The following KLHL1 variants were observed in gnomAD, a reference collection of about 807,000 sequenced individuals.
The protein encoded by KLHL1 is kelch like family member 1.
A neutral mutation model predicts 77.7 loss-of-function variants in KLHL1; 47 were observed. That is an observed-to-expected ratio of 0.60 (90% confidence interval 0.48 to 0.77). KLHL1 has a LOEUF of 0.77. Among genes scored for constraint, KLHL1 ranks in the 30% least tolerant of loss-of-function variants. The pLI, the probability that KLHL1 is intolerant of heterozygous loss-of-function variation, is 0.00. For missense variants in KLHL1, 925 were observed against 910.8 expected (o/e 1.02, Z -0.20); for synonymous variants, 360 against 325.2 (o/e 1.11, Z -1.15).
chr13:69,949,148 T>C (rs929824193), intron 3 of KLHL1, among the ~76,000 whole-genome samples: 7 of 151,878 alleles, frequency 4.6e-5, no homozygotes, highest in Non-Finnish European at 8.8e-5. Flanking sequence ...AATGAACAAA[T>C]ATTGTTACAT....
At chr13:69,750,605 T>C (rs1053663715) in intron 7 of KLHL1, among the ~76,000 whole-genome samples, 1 of 151,946 alleles carries the variant, frequency 6.6e-6, no homozygotes, top group Non-Finnish European at 1.5e-5. Flanking sequence ...ACAAGCACTC[T>C]ATATAAATTT....
intron 4 of KLHL1, among the ~76,000 whole-genome samples, chr13:69,890,994 T>A (rs958108320): frequency 6.6e-6 from 1 of 152,094 alleles, no homozygotes; most frequent in Non-Finnish European, 1.5e-5. Context: ...TTTAACGGTG[T>A]TTTCCTGTTT....
intron 7 of KLHL1, among the ~76,000 whole-genome samples, chr13:69,768,851 G>A (rs996161771): frequency 5.3e-5 from 8 of 152,072 alleles, no homozygotes; most frequent in Admixed American, 2.6e-4. Flanking sequence ...TACAGAAATT[G>A]AACAAGTGTG....
intron 5 of KLHL1, among the ~76,000 whole-genome samples, chr13:69,871,201 A>T (rs2138175209): frequency 6.6e-6 from 1 of 152,104 alleles, no homozygotes; most frequent in East Asian, 1.9e-4. Flanking sequence ...ACAATGGCCT[A>T]AGCAGTACCC....
At chr13:69,726,258 C>T (rs1873293049) in intron 8 of KLHL1, among the ~76,000 whole-genome samples, 1 of 152,072 alleles carries the variant, frequency 6.6e-6, no homozygotes, top group South Asian at 2.1e-4. Flanking sequence ...TTCTGTTGCA[C>T]AATAAAAGGA....
chr13:70,046,563 T>C (rs1886500393), intron 1 of KLHL1, among the ~76,000 whole-genome samples: 1 of 152,152 alleles, frequency 6.6e-6, no homozygotes, highest in African/African-American at 2.4e-5. Flanking sequence ...TTTCTGCTCA[T>C]TGCAACCTGC....
chr13:69,889,178 A>G (rs1470555063), intron 4 of KLHL1, among the ~76,000 whole-genome samples: 1 of 152,078 alleles, frequency 6.6e-6, no homozygotes, highest in Non-Finnish European at 1.5e-5. Context: ...GCACTGACAT[A>G]TTGCTGTCAA....
intron 1 of KLHL1, among the ~76,000 whole-genome samples, chr13:70,033,358 C>G (rs1039546157): frequency 5.3e-5 from 8 of 151,950 alleles, no homozygotes; most frequent in Non-Finnish European, 8.8e-5. Context: ...GGCGCGCTCT[C>G]GGCTCACTGT....
chr13:70,024,023 T>C (rs1885869717), intron 1 of KLHL1, among the ~76,000 whole-genome samples: 1 of 151,850 alleles, frequency 6.6e-6, no homozygotes, highest in South Asian at 2.1e-4. Context: ...ATGTTTATCA[T>C]GAGTTTAATT....
intron 4 of KLHL1, among the ~76,000 whole-genome samples, chr13:69,902,000 A>G (rs1213433983): frequency 6.6e-6 from 1 of 152,028 alleles, no homozygotes; most frequent in African/African-American, 2.4e-5. Flanking sequence ...GGGTTTCTCC[A>G]TCTTGGTCAG....
intron 1 of KLHL1, among the ~76,000 whole-genome samples, chr13:69,996,075 C>A (rs145024395): frequency 2.0e-5 from 3 of 151,942 alleles, no homozygotes; most frequent in Non-Finnish European, 2.9e-5. Context: ...GAGGTCAATG[C>A]GGGAGGATCA....
rs987926370 is a variant in KLHL1, at chr13:70,060,241, T to C, written c.497+46962A>G. 9.9e-5 allele frequency among the ~76,000 whole-genome samples: 15 copies of C among 152,144 alleles called. 1 individual carries two copies. The highest frequency in any genetic ancestry group is 9.8e-4 in the Admixed American group (15 of 15,280). ...ATCATCTCTCCCCAGTTAAAATGGT[T>C]TTTATCCAAAATACAGGTAATAACA... is the stretch of plus-strand genomic sequence containing the variant. On this transcript the variant is annotated intron_variant, in intron 1 of 10. Coordinates refer to ENST00000377844, the MANE Select transcript of KLHL1 (RefSeq NM_020866.3).
chr13:69,728,537 G>A (rs1324230236), intron 8 of KLHL1, among the ~76,000 whole-genome samples: 1 of 151,400 alleles, frequency 6.6e-6, no homozygotes, highest in Non-Finnish European at 1.5e-5. Flanking sequence ...ATGAAGCTTT[G>A]CACACCTGTA....
intron 1 of KLHL1, among the ~76,000 whole-genome samples, chr13:69,989,453 G>T (rs1242984670): frequency 6.6e-6 from 1 of 151,770 alleles, no homozygotes; most frequent in Non-Finnish European, 1.5e-5. Flanking sequence ...CAGGCTCCTT[G>T]GTTCCATATG....
At chr13:69,933,335 A>C (rs1428508925) in intron 4 of KLHL1, among the ~76,000 whole-genome samples, 1 of 152,142 alleles carries the variant, frequency 6.6e-6, no homozygotes, top group Non-Finnish European at 1.5e-5. Context: ...AGGTGAAGTA[A>C]ACTTTATTTG....
At chr13:69,994,678 G>A (rs1885106928) in intron 1 of KLHL1, among the ~76,000 whole-genome samples, 1 of 152,060 alleles carries the variant, frequency 6.6e-6, no homozygotes, top group African/African-American at 2.4e-5. Context: ...TGGGTGAAAT[G>A]AATTGGTATG....
chr13:69,999,741 C>T (rs1885241565), intron 1 of KLHL1, among the ~76,000 whole-genome samples: 1 of 151,984 alleles, frequency 6.6e-6, no homozygotes, highest in African/African-American at 2.4e-5. Context: ...ACTTGGCTCA[C>T]CCTAGCAGGT....
At chr13:69,817,087 T>G (rs986049526) in intron 6 of KLHL1, among the ~76,000 whole-genome samples, 4 of 152,154 alleles carry the variant, frequency 2.6e-5, no homozygotes, top group African/African-American at 9.6e-5. Context: ...CATAAACTCA[T>G]GCTACTTGAC....
At chr13:69,847,887 C>T (rs1295367920) in intron 5 of KLHL1, among the ~76,000 whole-genome samples, 1 of 151,502 alleles carries the variant, frequency 6.6e-6, no homozygotes, top group Non-Finnish European at 1.5e-5. Context: ...AATATTATCT[C>T]ATAAGCTGCA....
Sources: gnomAD v4.1 joint callset for allele counts (sites outside exome capture counted in the v4.1 genomes callset) on GRCh38, gnomAD v4.1.1 for gene constraint, MANE v1.5 for transcripts, NCBI Gene and HGNC (gene_info 2026-07-23, HGNC 2026-07-21) for gene names.